Variants in IPO11 observed in about 807,000 individuals in gnomAD.
The protein encoded by IPO11 is importin-11.
IPO11 carries 66 observed loss-of-function variants against 143.2 expected under a neutral mutation model. The observed-to-expected ratio is 0.46, with a 90% CI of 0.38 to 0.57. The LOEUF is 0.57. Among genes scored for constraint, IPO11 ranks in the 20% least tolerant of loss-of-function variants. The pLI is 0.00. For missense variants in IPO11, 1,026 were observed against 1,141.0 expected (o/e 0.90, Z 1.45); for synonymous variants, 385 against 377.8 (o/e 1.02, Z -0.22).
At chr5:62,565,679 C>T (rs1743910604) in intron 27 of IPO11, among the ~76,000 whole-genome samples, 1 of 151,920 alleles carries the variant, frequency 6.6e-6, no homozygotes, top group South Asian at 2.1e-4. Context: ...CTTTAAGTTC[C>T]AGGATACAAA....
At chr5:62,486,641 A>G (rs1162722309) in intron 12 of IPO11, among the ~76,000 whole-genome samples, 3 of 152,214 alleles carry the variant, frequency 2.0e-5, no homozygotes, top group Non-Finnish European at 4.4e-5. Flanking sequence ...TCTTCTAAAA[A>G]TGTTATCTTT....
At chr5:62,557,948 T>G (rs1218201495) in intron 26 of IPO11, among the ~76,000 whole-genome samples, 1 of 152,232 alleles carries the variant, frequency 6.6e-6, no homozygotes, top group Non-Finnish European at 1.5e-5. Context: ...CTATTTTTTT[T>G]GTTTGTTTTT....
At chr5:62,555,917 T>A (rs997898541) in intron 26 of IPO11, among the ~76,000 whole-genome samples, 4 of 152,164 alleles carry the variant, frequency 2.6e-5, no homozygotes, top group Non-Finnish European at 5.9e-5. Flanking sequence ...CACAAAGCAC[T>A]GGAATTACTG....
intron 28 of IPO11, among the ~76,000 whole-genome samples, chr5:62,595,062 C>T (rs1307950243): frequency 6.6e-6 from 1 of 152,176 alleles, no homozygotes; most frequent in African/African-American, 2.4e-5. Flanking sequence ...GGTGCGTGGT[C>T]TCAGACCAGT....
chr5:62,625,876 T>C (rs1191094805), intron 29 of IPO11, among the ~76,000 whole-genome samples: 1 of 152,232 alleles, frequency 6.6e-6, no homozygotes, highest in Admixed American at 6.5e-5. Context: ...TATACTTTTC[T>C]AATTGCTGAG....
At chr5:62,515,683 G>A (rs959542473) in intron 20 of IPO11, among the ~76,000 whole-genome samples, 182 bp downstream of exon 20, 5 of 151,748 alleles carry the variant, frequency 3.3e-5, no homozygotes, top group Admixed American at 1.3e-4. Flanking sequence ...GCTTATTTTG[G>A]ACATTTTTTT....
At chr5:62,497,559 C>G (rs1446953190) in intron 16 of IPO11, among the ~76,000 whole-genome samples, 1 of 152,122 alleles carries the variant, frequency 6.6e-6, no homozygotes, top group Non-Finnish European at 1.5e-5. Flanking sequence ...CCTCAACACC[C>G]GAGGGCTCAG....
At chr5:62,494,178 A>T (rs189488729) in intron 16 of IPO11, 54 bp downstream of exon 16, 1 of 1,505,264 alleles carries the variant, frequency 6.6e-7, no homozygotes. Context: ...CATCTGTGCA[A>T]ATCATCAAGT....
At chr5:62,578,926 C>T in intron 27 of IPO11, 1 of 241,834 alleles carries the variant, frequency 4.1e-6, no homozygotes, top group East Asian at 1.2e-4. Context: ...ATACGAATTT[C>T]CTTTTCTTGG....
intron 27 of IPO11, chr5:62,578,737 A>G (rs754925844): frequency 9.8e-5 from 46 of 468,896 alleles, no homozygotes; most frequent in Non-Finnish European, 7.1e-5. Flanking sequence ...TGTTTTACAC[A>G]TTGACTGTAA....
intron 27 of IPO11, among the ~76,000 whole-genome samples, chr5:62,590,099 T>G (rs972710956): frequency 1.3e-5 from 2 of 152,244 alleles, no homozygotes; most frequent in Non-Finnish European, 2.9e-5. Context: ...GTGGGGACAC[T>G]CCACCATCTC....
At chr5:62,418,701 A>G (rs1743385328) in intron 1 of IPO11, among the ~76,000 whole-genome samples, 1 of 152,226 alleles carries the variant, frequency 6.6e-6, no homozygotes, top group Non-Finnish European at 1.5e-5. Flanking sequence ...TTATCTAGAG[A>G]CCAGAGCTTT....
At chr5:62,511,999 C>T (rs1252727470) in intron 19 of IPO11, among the ~76,000 whole-genome samples, 2 of 152,148 alleles carry the variant, frequency 1.3e-5, no homozygotes, top group East Asian at 1.9e-4. Context: ...CAGAGCACAT[C>T]GTGGCTTCTG....
chr5:62,456,227 G>T (rs1275342779), intron 5 of IPO11, among the ~76,000 whole-genome samples: 1 of 151,638 alleles, frequency 6.6e-6, no homozygotes, highest in Non-Finnish European at 1.5e-5. Flanking sequence ...GGCCAGGCTG[G>T]TCTCCAACTC....
intron 16 of IPO11, among the ~76,000 whole-genome samples, chr5:62,500,177 C>T (rs1020630290): frequency 6.6e-6 from 1 of 152,092 alleles, no homozygotes; most frequent in African/African-American, 2.4e-5. Context: ...CCCAGCTACT[C>T]GGGAGGCTGA....
At chr5:62,545,253 A>G (rs182588564) in intron 24 of IPO11, among the ~76,000 whole-genome samples, 5 of 152,342 alleles carry the variant, frequency 3.3e-5, no homozygotes, top group South Asian at 2.1e-4. Flanking sequence ...AAATAGAGAT[A>G]TAGACCAATG....
chr5:62,582,938 T>G (rs1031547259), intron 27 of IPO11, among the ~76,000 whole-genome samples: 1 of 152,184 alleles, frequency 6.6e-6, no homozygotes, highest in African/African-American at 2.4e-5. Context: ...AGCTGAAAAG[T>G]AATTTTAAGA....
intron 16 of IPO11, among the ~76,000 whole-genome samples, chr5:62,496,825 A>G (rs1465955101): frequency 6.6e-6 from 1 of 152,256 alleles, no homozygotes; most frequent in African/African-American, 2.4e-5. Flanking sequence ...ACAATATTTC[A>G]AATAAACCAA....
chr5:62,462,527 T>TA (rs1372044399), intron 5 of IPO11, among the ~76,000 whole-genome samples: 3 of 151,570 alleles, frequency 2.0e-5, no homozygotes, highest in Admixed American at 6.6e-5. Flanking sequence ...CTACCATTAT[T>TA]AAAAAAAATA....
Sources: allele counts gnomAD v4.1 joint callset (sites outside exome capture counted in the v4.1 genomes callset), GRCh38; gene constraint gnomAD v4.1.1; transcripts MANE v1.5; gene names NCBI Gene and HGNC (gene_info 2026-07-23, HGNC 2026-07-21).